Variants in HDAC7 observed in about 807,000 individuals in gnomAD.
The protein encoded by HDAC7 is histone deacetylase 7A.
In HDAC7, 26 loss-of-function variants were observed where a neutral mutation model predicts 115.5. The observed-to-expected ratio is 0.23, with a 90% CI of 0.16 to 0.31. The LOEUF is 0.31. Ranked by LOEUF, HDAC7 falls within the 10% of genes least tolerant of loss-of-function variation. The pLI, the probability that HDAC7 is intolerant of heterozygous loss-of-function variation, is 1.00. For synonymous variants in HDAC7, 564 were observed against 550.9 expected (o/e 1.02, Z -0.33); for missense variants, 1,068 against 1,329.0 (o/e 0.80, Z 3.05).
chr12:47,815,005 C>T (rs545758174), intron 1 of HDAC7, among the ~76,000 whole-genome samples: 2 of 152,186 alleles, frequency 1.3e-5, no homozygotes, highest in Non-Finnish European at 2.9e-5. Flanking sequence ...GTGGAAGTTC[C>T]CTGAGGTCAG....
At chr12:47,819,175 C>CA (rs1944939970) in intron 1 of HDAC7, 1 of 152,456 alleles carries the variant, frequency 6.6e-6, no homozygotes, top group Non-Finnish European at 1.5e-5. Context: ...GGGCAATGCT[C>CA]AGAGAAACCT....
chr12:47,805,448 G>A (rs760801656), intron 1 of HDAC7, among the ~76,000 whole-genome samples: 3 of 152,146 alleles, frequency 2.0e-5, no homozygotes, highest in Non-Finnish European at 4.4e-5. Flanking sequence ...AGCAGGCAGT[G>A]GCAGAAGGCC....
At chr12:47,819,930 T>A (rs1944977449), upstream of HDAC7, 1 of 132,066 alleles carries the variant, frequency 7.6e-6, no homozygotes, top group African/African-American at 2.8e-5. Context: ...GGGAGGGCCC[T>A]GGCAGCCCGG....
chr12:47,804,507 T>G (rs910016441), intron 1 of HDAC7, among the ~76,000 whole-genome samples: 11 of 144,612 alleles, frequency 7.6e-5, no homozygotes, highest in Non-Finnish European at 1.3e-4. Context: ...CTGTTACTAC[T>G]AATTTGGGGT....
chr12:47,795,264 G>T lies in HDAC7; in HGVS notation c.1204C>A (p.Pro402Thr). Reference sequence around the variant, plus strand: ...GGCGGTGGGGGAGCGGTGGCACTGGGGGGCAGGGGCTCTGAGCGAGTCCGG... The same window carrying T: ...GGCGGTGGGGGAGCGGTGGCACTGGTGGGCAGGGGCTCTGAGCGAGTCCGG... Reference protein sequence around the residue: ...LSRTRSEPLPPSATAPPPPGP... With the variant: ...LSRTRSEPLPTSATAPPPPGP... The change falls in exon 11 of 26, where the codon CCC becomes ACC. Residue 402 changes from proline (P) to threonine (T), a missense_variant. Physicochemically the swap from Pro to Thr is conservative, Grantham distance 38. Around this residue, in one of 6 missense-constraint regions of HDAC7, gnomAD observed 618 missense variants for 701.5 expected, o/e 0.88. Coordinates refer to ENST00000080059, the MANE Select transcript of HDAC7 (RefSeq NM_015401.5). This position sits in a 1 kb window ranked among gnomAD's most constrained non-coding sequence, Gnocchi z 4.3. 1 of 1,612,294 alleles carries T rather than the reference G, an allele frequency of 6.2e-7. No homozygotes were observed. Among genetic ancestry groups the T allele is most frequent in the Non-Finnish European group, 8.5e-7 (1 of 1,178,820 alleles).
At chr12:47,799,570 G>A (rs1338684562) in intron 2 of HDAC7, among the ~76,000 whole-genome samples, 1 of 152,228 alleles carries the variant, frequency 6.6e-6, no homozygotes, top group Admixed American at 6.5e-5. Flanking sequence ...CGTTGGGCCT[G>A]CAGAACCCTG....
intron 15 of HDAC7, 81 bp from the exon 16 acceptor site, chr12:47,791,389 G>C (rs1387605093): frequency 4.2e-6 from 6 of 1,431,100 alleles, no homozygotes; most frequent in East Asian, 2.5e-5. Flanking sequence ...CCAGAGAGCA[G>C]GGCCGGGTGA....
intron 25 of HDAC7, 77 bp downstream of exon 25, chr12:47,784,002 C>G: frequency 6.2e-7 from 1 of 1,600,338 alleles, no homozygotes; most frequent in South Asian, 1.1e-5. Flanking sequence ...GGCTGCATAG[C>G]GGACCCGGGG....
At chr12:47,788,440 C>T in intron 19 of HDAC7, 1 of 293,242 alleles carries the variant, frequency 3.4e-6, no homozygotes, top group Non-Finnish European at 6.4e-6. Flanking sequence ...GAGAGAGTAA[C>T]TGTGTGGACA....
intron 24 of HDAC7, 68 bp downstream of exon 24, chr12:47,785,319 A>G: frequency 7.3e-7 from 1 of 1,363,684 alleles, no homozygotes; most frequent in Non-Finnish European, 1.0e-6. Context: ...GGATCTGGCC[A>G]CGGTGGGGCA....
intron 24 of HDAC7, chr12:47,784,636 C>T (rs1439494598): frequency 6.0e-6 from 8 of 1,327,462 alleles, no homozygotes; most frequent in Non-Finnish European, 8.3e-6. Context: ...AGTGCTCAGC[C>T]CAGCACTCAG....
At chr12:47,791,179 G>A in intron 16 of HDAC7, 80 bp downstream of exon 16, 1 of 1,334,632 alleles carries the variant, frequency 7.5e-7, no homozygotes, top group South Asian at 1.2e-5. Context: ...AGGTTCTGCA[G>A]GGGCTGGGCC....
chr12:47,792,732 A>G lies in HDAC7; in HGVS notation c.1678+637T>C, dbSNP rs369735188. On this transcript the variant is annotated intron_variant, in intron 13 of 25. Coordinates refer to ENST00000080059, the MANE Select transcript of HDAC7 (RefSeq NM_015401.5). ...CATAAGGAAATTCAAATAAGCTATA[A>G]TCTAAATGTCTAACTGATAAGGGAT... The G allele has an allele frequency of 2.2e-5, 10 of 452,336 alleles. No individual in the cohort carries two copies. The East Asian group carries it at 6.3e-4, about 28-fold the overall frequency. 28.0% of individuals were successfully genotyped at this position (452,336 alleles called of 1,614,324 possible).
At chr12:47,791,339 T>C in intron 15 of HDAC7, 31 bp from the exon 16 acceptor site, 1 of 1,549,800 alleles carries the variant, frequency 6.5e-7, no homozygotes, top group African/African-American at 1.4e-5. Flanking sequence ...CACGTCAGCG[T>C]GAATACTCTC....
rs1346133429 is a variant in HDAC7 at position 47,797,904 on chromosome 12, C to A, written c.461+204G>T. 1.5e-5 allele frequency among the ~76,000 whole-genome samples: 1 copy of A among 68,426 alleles called. No individual in the cohort carries two copies. Among genetic ancestry groups the A allele is most frequent in the African/African-American group, 5.3e-5 (1 of 18,760 alleles). The allele number at this position is 68,426 out of a possible 152,430, so 44.9% of individuals were successfully genotyped here. A position where few individuals can be genotyped will look rare whatever the true frequency, so the allele number is the denominator to read the frequency against. ...TGTGTGTGTGTGTGTGTGAGAAGGG[C>A]TCAGGTGGGGTGGGGAGAATTTAAA... On this transcript the variant is annotated intron_variant, in intron 5 of 25. Coordinates refer to ENST00000080059, the MANE Select transcript of HDAC7 (RefSeq NM_015401.5). The surrounding 1 kb of genome is among the most constrained non-coding windows in gnomAD (Gnocchi z 5.5).
intron 1 of HDAC7, among the ~76,000 whole-genome samples, chr12:47,807,248 T>C (rs550802754): frequency 6.6e-6 from 1 of 152,264 alleles, no homozygotes; most frequent in Admixed American, 6.5e-5. Context: ...CCCCCTGCCC[T>C]ATCTCTTATC....
rs1344245441 is a variant in HDAC7, at chr12:47,798,213, A to G, written c.356T>C (p.Val119Ala). The G allele has an allele frequency of 6.2e-7, 1 of 1,611,462 alleles. No individual in the cohort carries two copies. Among genetic ancestry groups the G allele is most frequent in the Non-Finnish European group, 8.5e-7 (1 of 1,177,976 alleles). The change falls in exon 5 of 26, where the codon GTA becomes GCA. Residue 119 changes from valine to alanine, a missense_variant. Val to Ala is a moderately conservative substitution (Grantham distance 64, BLOSUM62 0). Transcript: ENST00000080059. This position sits in a 1 kb window ranked among gnomAD's most constrained non-coding sequence, Gnocchi z 4.3. ...CTTCTGCTTGACCACGCTGCTGGCT[A>G]CAGCACCTGTAGGGGCAGAGTCAGG... ...LHKDKSKRSA[V>A]ASSVVKQKLA...
In HDAC7 at chr12:47,783,031, G is replaced by C. The variant is rs537191542; in HGVS notation, c.*810C>G. On this transcript the variant is annotated 3_prime_UTR_variant, in exon 26 of 26. Transcript: ENST00000080059. ...CTACTCCTATGTGGGGTGGGAATCA[G>C]AGCTATGGTGGGGGAGGCCCCAGAA... 6.5e-6 allele frequency: 1 copy of C among 152,746 alleles called. No homozygotes were observed. Among genetic ancestry groups the C allele is most frequent in the African/African-American group, 2.4e-5 (1 of 41,552 alleles). 9.5% of individuals were successfully genotyped at this position (152,746 alleles called of 1,614,324 possible). A position where few individuals can be genotyped will look rare whatever the true frequency, so the allele number is the denominator to read the frequency against.
intron 18 of HDAC7, 43 bp downstream of exon 18, chr12:47,789,480 T>C (rs1943363729): frequency 1.3e-6 from 2 of 1,597,468 alleles, no homozygotes; most frequent in East Asian, 4.5e-5. Flanking sequence ...TCCTGGGGGC[T>C]TGCCCCCCAC....
Sources: gnomAD v4.1 joint callset for allele counts (sites outside exome capture counted in the v4.1 genomes callset) on GRCh38, gnomAD v4.1.1 for gene constraint, gnomAD v4.1.1 regional missense constraint, Gnocchi (gnomAD v3.1) non-coding constraint, MANE v1.5 for transcripts, NCBI Gene and HGNC (gene_info 2026-07-23, HGNC 2026-07-21) for gene names.